DNMT3A: variants seen among roughly 807,000 people sequenced by gnomAD.
The protein encoded by DNMT3A is DNA (cytosine-5)-methyltransferase 3A.
A neutral mutation model predicts 117.6 loss-of-function variants in DNMT3A; 267 were observed. That is an observed-to-expected ratio of 2.27 (90% CI 2.05 to 2.51). The LOEUF is 2.51. DNMT3A is among the 30% of genes most tolerant of loss of function. The probability of loss-of-function intolerance (pLI) is 0.00; values close to 1 mark genes in which losing one functional copy is unlikely to be tolerated. For synonymous variants in DNMT3A, 432 were observed against 474.8 expected, an observed-to-expected ratio of 0.91 and a Z score of 1.17; for missense variants, 1,029 against 1,260.2, an observed-to-expected ratio of 0.82 and a Z score of 2.78.
At chr2:25,297,934 A>G (rs1402673680) in intron 3 of DNMT3A, among the ~76,000 whole-genome samples, 2 of 152,256 alleles carry the variant, frequency 1.3e-5, no homozygotes, top group Non-Finnish European at 2.9e-5. Context: ...TGACTTGCTC[A>G]AGGACACATG....
At chr2:25,302,977 TAGGGAGG>T (rs1237341959) in intron 2 of DNMT3A, among the ~76,000 whole-genome samples, 3 of 152,082 alleles carry the variant, frequency 2.0e-5, no homozygotes, top group African/African-American at 7.2e-5. Context: ...AAAATGGGGG[TAGGGAGG>T]TGTCCATCCT....
chr2:25,261,597 A>G (rs961660669), intron 6 of DNMT3A, among the ~76,000 whole-genome samples: 2 of 112,172 alleles, frequency 1.8e-5, no homozygotes, highest in African/African-American at 3.5e-5. Flanking sequence ...ACAGAGTGAG[A>G]CTCCGTCTCA....
intron 3 of DNMT3A, among the ~76,000 whole-genome samples, chr2:25,284,276 G>T (rs986138135): frequency 7.2e-5 from 11 of 152,156 alleles, no homozygotes; most frequent in Admixed American, 3.3e-4. Flanking sequence ...GGAGATGACT[G>T]GTCTAGACCA....
chr2:25,235,576 G>T, intron 22 of DNMT3A, 131 bp downstream of exon 22: 2 of 710,702 alleles, frequency 2.8e-6, no homozygotes, highest in Non-Finnish European at 4.9e-6. Flanking sequence ...GTTGGGAAAT[G>T]CTTGATAAAA....
chr2:25,321,577 G>C (rs1364477646), intron 1 of DNMT3A, among the ~76,000 whole-genome samples: 1 of 152,318 alleles, frequency 6.6e-6, no homozygotes, highest in South Asian at 2.1e-4. Flanking sequence ...CCATCTTAGG[G>C]GGGCCATTAT....
chr2:25,244,399 T>C, intron 14 of DNMT3A, 61 bp from the exon 15 acceptor site: 1 of 1,564,766 alleles, frequency 6.4e-7, no homozygotes, highest in Non-Finnish European at 8.7e-7. Flanking sequence ...GGCCAAGGTG[T>C]GCTACCTGGA....
intron 1 of DNMT3A, among the ~76,000 whole-genome samples, chr2:25,324,705 T>C (rs2034722826): frequency 6.6e-6 from 1 of 152,068 alleles, no homozygotes; most frequent in African/African-American, 2.4e-5. Context: ...TGTCAACTCT[T>C]CCCCCTCCTG....
chr2:25,268,799 C>T (rs528414201), intron 6 of DNMT3A, among the ~76,000 whole-genome samples: 4 of 152,266 alleles, frequency 2.6e-5, no homozygotes, highest in Admixed American at 1.3e-4. Flanking sequence ...AAAACCACCT[C>T]GAAATCAAGT....
intron 3 of DNMT3A, among the ~76,000 whole-genome samples, chr2:25,289,198 A>G (rs1224368683): frequency 1.3e-5 from 2 of 149,620 alleles, no homozygotes; most frequent in Non-Finnish European, 3.0e-5. Flanking sequence ...CACCTCCCGG[A>G]TTCAAGCGAC....
At position 25,240,811 on chromosome 2, in the gene DNMT3A, T is replaced by G; in HGVS notation, c.2083-81A>C. ...GAAGAAAGAGAAATTATCTGTGAAC[T>G]TGGCAAAGAAGTCCTTTGACACGAA... On this transcript the variant is annotated intron_variant, in intron 17 of 22. Transcript: ENST00000321117. The G allele has an allele frequency of 2.1e-6, 3 of 1,439,110 alleles. No individual in the cohort carries two copies. In the South Asian group the frequency reaches 3.5e-5, roughly 17 times the overall value. The allele number at this position is 1,439,110 out of a possible 1,614,324, so 89.1% of individuals were successfully genotyped here.
intron 16 of DNMT3A, 129 bp from the exon 17 acceptor site, chr2:25,241,836 A>C: frequency 8.2e-7 from 1 of 1,218,282 alleles, no homozygotes; most frequent in Middle Eastern, 1.9e-4. Flanking sequence ...CTTTTCCCTG[A>C]AGATGCCTTA....
At chr2:25,259,988 C>T (rs575975591) in intron 6 of DNMT3A, among the ~76,000 whole-genome samples, 108 of 152,292 alleles carry the variant, frequency 7.1e-4, no homozygotes, top group Non-Finnish European at 5.0e-4. Context: ...TAGGTCTGCC[C>T]GCCTTACAGT....
In DNMT3A at chr2:25,265,734, G is replaced by A. The variant is rs181728850; in HGVS notation, c.639+9207C>T. On this transcript the variant is annotated intron_variant, in intron 6 of 22. Transcript: ENST00000321117. ...CTTGGGAGGCTGGGGCAGGAGAATCGCTTGAACCCAAGAGGCAGAGGTTGC... is the reference window on the plus strand; with the variant it reads ...CTTGGGAGGCTGGGGCAGGAGAATCACTTGAACCCAAGAGGCAGAGGTTGC... Among the ~76,000 whole-genome samples the A allele has an allele frequency of 9.3e-3, 1,404 of 151,684 alleles. 18 individuals are homozygous for A. Among genetic ancestry groups the A allele is most frequent in the African/African-American group, 0.031 (1,264 of 41,318 alleles).
chr2:25,244,795 G>T (rs975988522), intron 13 of DNMT3A, 143 bp from the exon 14 acceptor site: 8 of 695,392 alleles, frequency 1.2e-5, no homozygotes, highest in Non-Finnish European at 1.7e-5. Flanking sequence ...TCAGGCCCCA[G>T]CTGCAGATCT....
chr2:25,247,710 T>G lies in DNMT3A; in HGVS notation c.895A>C (p.Lys299Gln), dbSNP rs766858016. ...GGCCACCAGGAGAAGCCCCGCAGTT[T>G]CCCCCACACCAGCTCCCCAATGCCA... ...GFGIGELVWG[K>Q]LRGFSWWPGR... is the part of the protein sequence containing the mutation. The change falls in exon 8 of 23, where the codon AAA (lysine) becomes CAA (glutamine). Residue 299 changes from lysine (K) to glutamine (Q), a missense_variant. Physicochemically the swap from Lys to Gln is moderately conservative, Grantham distance 53. Transcript: ENST00000321117. The surrounding 1 kb of genome is among the most constrained non-coding windows in gnomAD (Gnocchi z 5.6). 6.2e-7 allele frequency: 1 copy of G among 1,611,920 alleles called. No homozygotes were observed. The highest frequency in any genetic ancestry group is 1.7e-5 in the Admixed American group (1 of 59,854).
chr2:25,283,615 T>G (rs1198617781), intron 3 of DNMT3A, among the ~76,000 whole-genome samples: 2 of 152,180 alleles, frequency 1.3e-5, no homozygotes, highest in Non-Finnish European at 1.5e-5. Flanking sequence ...CCAGATTCTT[T>G]CAGGCACTCA....
At chr2:25,263,463 C>G (rs1676776892) in intron 6 of DNMT3A, among the ~76,000 whole-genome samples, 1 of 152,002 alleles carries the variant, frequency 6.6e-6, no homozygotes, top group Admixed American at 6.6e-5. Context: ...CTCCCCCTAC[C>G]CCGCCACTAG....
intron 1 of DNMT3A, among the ~76,000 whole-genome samples, chr2:25,341,057 C>A (rs1407476381): frequency 6.9e-6 from 1 of 145,496 alleles, no homozygotes; most frequent in Non-Finnish European, 1.5e-5. Flanking sequence ...CCCGCCGCCC[C>A]TCCCGGCCCC....
In DNMT3A at chr2:25,289,715, G is replaced by T. The variant is rs144528280; in HGVS notation, c.178-7004C>A. Among the ~76,000 whole-genome samples, 1,240 of 152,280 alleles carry T rather than the reference G, an allele frequency of 8.1e-3. 17 individuals carry two copies. The highest frequency in any genetic ancestry group is 0.027 in the African/African-American group (1,126 of 41,552). On this transcript the variant is annotated intron_variant, in intron 3 of 22. Coordinates refer to ENST00000321117, the MANE Select transcript of DNMT3A (RefSeq NM_022552.5). ...GGTGGCAGTGCAGTGCCCAAGAAAG[G>T]CCGGGCAGAGGCTGCTGGCCCTCCC...
Sources: gnomAD v4.1 joint callset for allele counts (sites outside exome capture counted in the v4.1 genomes callset) on GRCh38, gnomAD v4.1.1 for gene constraint, Gnocchi (gnomAD v3.1) non-coding constraint, MANE v1.5 for transcripts, NCBI Gene and HGNC (gene_info 2026-07-23, HGNC 2026-07-21) for gene names.